NBEA: variants seen among roughly 807,000 people sequenced by gnomAD.
NBEA encodes lysosomal-trafficking regulator 2.
NBEA carries 44 observed loss-of-function variants against 343.4 expected under a neutral mutation model. That is an observed-to-expected ratio of 0.13 (90% CI 0.10 to 0.16). NBEA has a LOEUF of 0.16. Ranked by LOEUF, NBEA falls within the 10% of genes least tolerant of loss-of-function variation. The pLI, the probability that NBEA is intolerant of heterozygous loss-of-function variation, is 1.00. For synonymous variants in NBEA, 1,175 were observed against 1,238.7 expected, an observed-to-expected ratio of 0.95 and a Z score of 1.08; for missense variants, 2,555 against 3,631.3, an observed-to-expected ratio of 0.70 and a Z score of 7.62.
intron 48 of NBEA, among the ~76,000 whole-genome samples, chr13:35,609,829 C>G (rs968210850): frequency 7.2e-5 from 11 of 151,994 alleles, no homozygotes; most frequent in African/African-American, 2.7e-4. Context: ...ATAGAGAAAG[C>G]CTGCGCAGAA....
At chr13:35,050,731 A>T (rs1424319578) in intron 6 of NBEA, among the ~76,000 whole-genome samples, 3 of 152,138 alleles carry the variant, frequency 2.0e-5, no homozygotes, top group Middle Eastern at 3.4e-3. Context: ...TTTTTAAAAA[A>T]GTTAAATGTT....
At chr13:35,484,301 C>A (rs2076233889) in intron 41 of NBEA, among the ~76,000 whole-genome samples, 1 of 148,146 alleles carries the variant, frequency 6.8e-6, no homozygotes, top group Admixed American at 6.8e-5. Context: ...TATGTAGACC[C>A]TCACTAATTT....
At chr13:35,331,710 A>C (rs185163221) in intron 36 of NBEA, among the ~76,000 whole-genome samples, 1 of 152,138 alleles carries the variant, frequency 6.6e-6, no homozygotes, top group African/African-American at 2.4e-5. Context: ...TTTGAATAGG[A>C]TACTTTGTTC....
chr13:35,444,071 A>G (rs531907749), intron 39 of NBEA, among the ~76,000 whole-genome samples: 32 of 152,078 alleles, frequency 2.1e-4, no homozygotes, highest in Admixed American at 5.9e-4. Flanking sequence ...GTGTGTATCT[A>G]TTACTTTTAT....
chr13:35,159,630 A>G lies in NBEA; in HGVS notation c.3459A>G (p.Lys1153=). ...STSFLFDKIP[K]QEEKLLPELS... ...CATTTCTCTTTGATAAAATACCCAA[A>G]CAGGAGGAAAAACTACTTCCTGAAC... Residue 1153 remains lysine, a synonymous_variant, in exon 22 of 59, where the codon AAA becomes AAG. Coordinates refer to ENST00000379939, the MANE Select transcript of NBEA (RefSeq NM_001385012.1). The G allele has an allele frequency of 6.2e-7, 1 of 1,611,164 alleles. No individual in the cohort carries two copies. Among genetic ancestry groups the G allele is most frequent in the African/African-American group, 1.3e-5 (1 of 74,994 alleles).
intron 38 of NBEA, among the ~76,000 whole-genome samples, chr13:35,357,338 C>T (rs2040547919): frequency 6.6e-6 from 1 of 151,328 alleles, no homozygotes; most frequent in African/African-American, 2.4e-5. Flanking sequence ...GATACATGTG[C>T]AGGTTTGTTA....
intron 38 of NBEA, among the ~76,000 whole-genome samples, chr13:35,410,392 T>TA (rs2043512363): frequency 6.6e-6 from 1 of 152,124 alleles, no homozygotes; most frequent in Non-Finnish European, 1.5e-5. Flanking sequence ...TGTAAATTGA[T>TA]ATAATAACCA....
intron 36 of NBEA, among the ~76,000 whole-genome samples, chr13:35,332,572 A>T (rs2038990136): frequency 6.6e-6 from 1 of 152,140 alleles, no homozygotes. Context: ...AGACATTTCT[A>T]TATCATAATA....
intron 36 of NBEA, among the ~76,000 whole-genome samples, chr13:35,348,282 T>A (rs1276699407): frequency 6.6e-6 from 1 of 152,144 alleles, no homozygotes; most frequent in African/African-American, 2.4e-5. Flanking sequence ...GAACAGACTG[T>A]ATAATGTACT....
At chr13:35,386,907 T>G (rs2042268687) in intron 38 of NBEA, among the ~76,000 whole-genome samples, 2 of 152,156 alleles carry the variant, frequency 1.3e-5, no homozygotes, top group Admixed American at 6.5e-5. Flanking sequence ...TGTAACAGCT[T>G]TCTTAGACAG....
chr13:35,371,819 G>C (rs1384658690), intron 38 of NBEA, among the ~76,000 whole-genome samples: 4 of 152,118 alleles, frequency 2.6e-5, no homozygotes, highest in African/African-American at 9.7e-5. Context: ...GGGCACTTTG[G>C]CCTGATTCTG....
At chr13:35,009,728 A>G (rs2061422987) in intron 1 of NBEA, among the ~76,000 whole-genome samples, 1 of 152,180 alleles carries the variant, frequency 6.6e-6, no homozygotes, top group Admixed American at 6.5e-5. Context: ...AATAAACCAG[A>G]TCCTGGGTGG....
chr13:34,987,103 T>C (rs890428378), intron 1 of NBEA, among the ~76,000 whole-genome samples: 3 of 151,078 alleles, frequency 2.0e-5, no homozygotes, highest in African/African-American at 7.3e-5. Context: ...CTTCCTAGCA[T>C]TGATGGTCTT....
At chr13:34,946,133 G>GTTAC (rs1264030791) in intron 1 of NBEA, among the ~76,000 whole-genome samples, 3 of 152,172 alleles carry the variant, frequency 2.0e-5, no homozygotes, top group Non-Finnish European at 4.4e-5. Flanking sequence ...TGTGAATAAA[G>GTTAC]TTACAGTCAG....
At position 35,294,246 on chromosome 13, in the gene NBEA, A is replaced by G. The variant is rs539334097; in HGVS notation, c.5838+3796A>G. Among the ~76,000 whole-genome samples, 3 of 151,188 alleles carry G rather than the reference A, an allele frequency of 2.0e-5. No individual in the cohort carries two copies. In the East Asian group the frequency reaches 5.8e-4, roughly 29 times the overall value. ...GTAAAAGAACCACAACTAAAGAACA[A>G]TCTTTTTTTTTTTTAATGATTTGGC... On this transcript the variant is annotated intron_variant, in intron 35 of 58. Coordinates refer to ENST00000379939, the MANE Select transcript of NBEA (RefSeq NM_001385012.1).
At chr13:35,463,148 T>C (rs1361373911) in intron 40 of NBEA, among the ~76,000 whole-genome samples, 1 of 152,108 alleles carries the variant, frequency 6.6e-6, no homozygotes, top group Non-Finnish European at 1.5e-5. Context: ...GAGCCCATAA[T>C]AGGATACCAA....
chr13:35,387,437 G>A (rs980328175), intron 38 of NBEA, among the ~76,000 whole-genome samples: 1 of 151,504 alleles, frequency 6.6e-6, no homozygotes, highest in South Asian at 2.1e-4. Context: ...TTAATTAATG[G>A]CACCTATTCT....
At chr13:35,238,907 C>T (rs1444932770) in intron 34 of NBEA, among the ~76,000 whole-genome samples, 1 of 152,040 alleles carries the variant, frequency 6.6e-6, no homozygotes, top group African/African-American at 2.4e-5. Context: ...ATATCACTGA[C>T]ATATTCTAAA....
chr13:35,010,791 G>A (rs1175504386), intron 1 of NBEA, among the ~76,000 whole-genome samples: 2 of 136,402 alleles, frequency 1.5e-5, no homozygotes, highest in African/African-American at 5.6e-5. Context: ...AGCTGGGTGT[G>A]GTGGTGCACA....
Sources: gnomAD v4.1 joint callset for allele counts (sites outside exome capture counted in the v4.1 genomes callset) on GRCh38, gnomAD v4.1.1 for gene constraint, MANE v1.5 for transcripts, NCBI Gene and HGNC (gene_info 2026-07-23, HGNC 2026-07-21) for gene names.